The following KIF26B variants were observed in gnomAD, a reference collection of about 807,000 sequenced individuals.
The protein encoded by KIF26B is kinesin-like protein KIF26B.
A neutral mutation model predicts 151.2 loss-of-function variants in KIF26B; 63 were observed. The observed-to-expected ratio is 0.42, with a 90% confidence interval of 0.34 to 0.51. The LOEUF is 0.51. Ranked by LOEUF, KIF26B falls within the 20% of genes least tolerant of loss-of-function variation. The probability of loss-of-function intolerance (pLI) is 0.07; values close to 1 mark genes in which losing one functional copy is unlikely to be tolerated. For synonymous variants in KIF26B, 1,357 were observed against 1,262.1 expected, an observed-to-expected ratio of 1.08 and a Z score of -1.59; for missense variants, 2,813 against 2,913.6, an observed-to-expected ratio of 0.97 and a Z score of 0.79.
chr1:245,478,939 G>A (rs1391193085), intron 4 of KIF26B, among the ~76,000 whole-genome samples: 1 of 151,858 alleles, frequency 6.6e-6, no homozygotes, highest in Non-Finnish European at 1.5e-5. Context: ...AAGTAAGGTT[G>A]TGAGAATCAG....
At chr1:245,681,273 G>C (rs1052923435) in intron 10 of KIF26B, among the ~76,000 whole-genome samples, 1 of 150,216 alleles carries the variant, frequency 6.7e-6, no homozygotes, top group African/African-American at 2.4e-5. Context: ...GCAGTGGCGC[G>C]ATCACGGCTC....
chr1:245,299,431 C>G (rs1671391097), intron 2 of KIF26B, among the ~76,000 whole-genome samples: 1 of 148,806 alleles, frequency 6.7e-6, no homozygotes, highest in African/African-American at 2.5e-5. Flanking sequence ...AGCTGACCTT[C>G]TACTATCAGA....
chr1:245,180,159 T>C (rs1456807167), intron 2 of KIF26B, among the ~76,000 whole-genome samples: 1 of 152,230 alleles, frequency 6.6e-6, no homozygotes, highest in East Asian at 1.9e-4. Flanking sequence ...TTTGAAACAT[T>C]TGGCTTCACT....
chr1:245,295,156 G>T (rs1671316247), intron 2 of KIF26B, among the ~76,000 whole-genome samples: 1 of 152,060 alleles, frequency 6.6e-6, no homozygotes, highest in African/African-American at 2.4e-5. Context: ...CTGTTATTTG[G>T]GATGGAGAGA....
intron 9 of KIF26B, among the ~76,000 whole-genome samples, chr1:245,628,380 C>T (rs2043746827): frequency 6.6e-6 from 1 of 152,172 alleles, no homozygotes; most frequent in Non-Finnish European, 1.5e-5. Flanking sequence ...AATCGGGAGG[C>T]TGAGGCAGGA....
chr1:245,481,130 A>C (rs1446186183), intron 4 of KIF26B, among the ~76,000 whole-genome samples: 2 of 151,926 alleles, frequency 1.3e-5, no homozygotes, highest in African/African-American at 4.8e-5. Flanking sequence ...CCATCTTTGG[A>C]ATATTTGTCC....
At chr1:245,554,889 T>C (rs1035482923) in intron 5 of KIF26B, among the ~76,000 whole-genome samples, 1 of 152,180 alleles carries the variant, frequency 6.6e-6, no homozygotes, top group African/African-American at 2.4e-5. Context: ...TCCAAAGACC[T>C]CACGCATCCT....
chr1:245,670,029 C>T (rs546535989), intron 10 of KIF26B, among the ~76,000 whole-genome samples: 1 of 152,124 alleles, frequency 6.6e-6, no homozygotes, highest in South Asian at 2.1e-4. Context: ...TTGGGTACAA[C>T]ATATACTACT....
At chr1:245,378,050 A>G (rs1673318900) in intron 3 of KIF26B, among the ~76,000 whole-genome samples, 1 of 152,212 alleles carries the variant, frequency 6.6e-6, no homozygotes, top group African/African-American at 2.4e-5. Flanking sequence ...ACAGCCACAG[A>G]CATAAATGTA....
intron 10 of KIF26B, among the ~76,000 whole-genome samples, chr1:245,672,232 C>T (rs1369830512): frequency 6.6e-6 from 1 of 152,100 alleles, no homozygotes; most frequent in Non-Finnish European, 1.5e-5. Context: ...TATTCGGGAT[C>T]CCCAACTGAG....
At chr1:245,329,862 G>C (rs1172938700) in intron 2 of KIF26B, among the ~76,000 whole-genome samples, 1 of 152,100 alleles carries the variant, frequency 6.6e-6, no homozygotes, top group East Asian at 1.9e-4. Flanking sequence ...GTACAGGCTG[G>C]AGTGCAGTGG....
At chr1:245,452,629 T>C (rs1195228454) in intron 4 of KIF26B, among the ~76,000 whole-genome samples, 1 of 152,170 alleles carries the variant, frequency 6.6e-6, no homozygotes, top group East Asian at 1.9e-4. Flanking sequence ...AAGAAAAAGT[T>C]ATGGCCATTC....
intron 5 of KIF26B, among the ~76,000 whole-genome samples, chr1:245,588,764 A>T (rs532839812): frequency 6.6e-6 from 1 of 152,334 alleles, no homozygotes; most frequent in Non-Finnish European, 1.5e-5. Context: ...TCGCTGGCTC[A>T]GGGCATTGTA....
In KIF26B at chr1:245,510,996, A is replaced by G. The variant is rs1660821707; in HGVS notation, c.1167-29771A>G. ...TCCTCCTTCACCTTCGCACAATTTT[A>G]CTTTCTCCTGAGATGGCCCCAGATC... On this transcript the variant is annotated intron_variant, in intron 4 of 14. Coordinates refer to ENST00000407071, the MANE Select transcript of KIF26B (RefSeq NM_018012.4). The G allele has an allele frequency of 1.3e-5, 9 of 680,188 alleles. No homozygotes were observed. The Admixed American group carries it at 2.1e-4, about 16-fold the overall frequency. The allele number at this position is 680,188 out of a possible 1,614,324, so 42.1% of individuals were successfully genotyped here. A position where few individuals can be genotyped will look rare whatever the true frequency, so the allele number is the denominator to read the frequency against.
chr1:245,344,835 C>CT (rs1672413812), intron 2 of KIF26B, among the ~76,000 whole-genome samples: 1 of 151,074 alleles, frequency 6.6e-6, no homozygotes. Flanking sequence ...GACAACTTGA[C>CT]TTTTTAGCTC....
intron 2 of KIF26B, among the ~76,000 whole-genome samples, chr1:245,237,761 C>G (rs1406912378): frequency 6.6e-6 from 1 of 152,188 alleles, no homozygotes; most frequent in Non-Finnish European, 1.5e-5. Context: ...GTGTTCCACA[C>G]CTGTAATCCC....
chr1:245,304,453 TATC>T (rs1671499021), intron 2 of KIF26B, among the ~76,000 whole-genome samples: 1 of 152,198 alleles, frequency 6.6e-6, no homozygotes, highest in African/African-American at 2.4e-5. Context: ...ATGCAGTTGG[TATC>T]ATTTTAGATT....
chr1:245,197,655 G>A (rs1669219086), intron 2 of KIF26B, among the ~76,000 whole-genome samples: 1 of 152,130 alleles, frequency 6.6e-6, no homozygotes, highest in African/African-American at 2.4e-5. Flanking sequence ...AAAAATGTAT[G>A]AGTAATACAT....
chr1:245,255,269 A>G (rs958972741), intron 2 of KIF26B, among the ~76,000 whole-genome samples: 19 of 152,198 alleles, frequency 1.2e-4, no homozygotes, highest in African/African-American at 4.1e-4. Flanking sequence ...TACCCAGTCC[A>G]AGGTATTGTG....
Sources: allele counts gnomAD v4.1 joint callset (sites outside exome capture counted in the v4.1 genomes callset), GRCh38; gene constraint gnomAD v4.1.1; transcripts MANE v1.5; gene names NCBI Gene and HGNC (gene_info 2026-07-23, HGNC 2026-07-21).